KIF7: variants seen among roughly 807,000 people sequenced by gnomAD.
KIF7 encodes kinesin family member 7.
In KIF7, 104 loss-of-function variants were observed where a neutral mutation model predicts 135.7. That is an observed-to-expected ratio of 0.77 (90% CI 0.65 to 0.90). The LOEUF (loss-of-function observed/expected upper bound fraction) is 0.90, where lower values mean the gene tolerates loss of function less well. KIF7 is among the 40% of genes least tolerant of loss of function. KIF7 has a pLI of 0.00. For synonymous variants in KIF7, 883 were observed against 809.4 expected (o/e 1.09, Z -1.54); for missense variants, 2,005 against 1,839.1 (o/e 1.09, Z -1.65).
At chr15:89,648,199 C>T (rs1964050518) in intron 5 of KIF7, 56 bp downstream of exon 5, 2 of 1,425,042 alleles carry the variant, frequency 1.4e-6, no homozygotes, top group Non-Finnish European at 1.8e-6. Context: ...CCTCTTCCTT[C>T]CTCTCCACCA....
At chr15:89,652,571 G>A (rs1964139920) in intron 2 of KIF7, 32 bp downstream of exon 2, 2 of 1,456,728 alleles carry the variant, frequency 1.4e-6, no homozygotes, top group East Asian at 5.0e-5. Context: ...GCTCCTTAAA[G>A]TGGGCACAGG....
chr15:89,657,328 A>AAAAAAAAG (rs533315174), upstream of KIF7, among the ~76,000 whole-genome samples: 39 of 127,958 alleles, frequency 3.0e-4, 1 homozygote, highest in Middle Eastern at 4.2e-3. Context: ...AAAAAAAAAA[A>AAAAAAAAG]AGAGAGAGAG....
intron 7 of KIF7, 92 bp from the exon 8 acceptor site, chr15:89,646,118 C>A: frequency 1.3e-6 from 2 of 1,501,642 alleles, no homozygotes; most frequent in South Asian, 2.3e-5. Context: ...CTCCTCAAGC[C>A]CTGCCTTACC....
the KIF7 span, among the ~76,000 whole-genome samples, chr15:89,662,325 C>T: frequency 3.3e-5 from 5 of 152,010 alleles, no homozygotes; most frequent in South Asian, 1.0e-3. Context: ...GGTGAAACCC[C>T]GTCTCTACTA....
In KIF7 at chr15:89,632,853, C is replaced by G. The variant is rs1436327620; in HGVS notation, c.2862G>C (p.Thr954=). Residue 954 remains threonine, a synonymous_variant, in exon 14 of 19, where the codon ACG becomes ACC. Coordinates refer to ENST00000394412, the MANE Select transcript of KIF7 (RefSeq NM_198525.3). ...AKKEALMQEK[T]GLESKRLRSS... ...ATCTCAGGCGCTTGCTCTCCAGCCC[C>G]GTCTTCTCCTGCATCAGGGCCTCCT... 1 of 1,608,842 alleles carries G rather than the reference C, an allele frequency of 6.2e-7. No individual in the cohort carries two copies.
downstream of KIF7, chr15:89,624,327 T>A (rs774606177): frequency 3.7e-6 from 6 of 1,614,138 alleles, no homozygotes; most frequent in East Asian, 4.5e-5. Flanking sequence ...GAGAACTGGA[T>A]CAGAAAGAGC....
chr15:89,634,253 C>T (rs573264395), intron 11 of KIF7, among the ~76,000 whole-genome samples: 13 of 152,164 alleles, frequency 8.5e-5, no homozygotes, highest in South Asian at 4.1e-4. Context: ...GAGCCGGGAT[C>T]GTGCCACTGC....
At chr15:89,654,990 C>A (rs889110533) in intron 1 of KIF7, among the ~76,000 whole-genome samples, 1 of 152,230 alleles carries the variant, frequency 6.6e-6, no homozygotes, top group Non-Finnish European at 1.5e-5. Flanking sequence ...CTGCTCTCCG[C>A]ACAGCGCTCC....
chr15:89,624,876 C>CTGTGA, downstream of KIF7: 1 of 1,614,004 alleles, frequency 6.2e-7, no homozygotes, highest in Non-Finnish European at 8.5e-7. Context: ...TGATGCCTTC[C>CTGTGA]CGTGACGTGC....
intron 11 of KIF7, among the ~76,000 whole-genome samples, chr15:89,641,992 T>C (rs1008847638): frequency 1.3e-5 from 2 of 151,992 alleles, no homozygotes; most frequent in Non-Finnish European, 2.9e-5. Context: ...TCCCAGGTGG[T>C]CTTCAGGCAG....
downstream of KIF7, chr15:89,626,938 C>G (rs372217618): frequency 4.2e-5 from 67 of 1,612,324 alleles, no homozygotes; most frequent in Non-Finnish European, 5.4e-5. Flanking sequence ...CATGCTAAGC[C>G]TTTCTACCTT....
chr15:89,625,323 CA>C (rs1347412860), downstream of KIF7: 2 of 1,614,094 alleles, frequency 1.2e-6, no homozygotes. Context: ...CACCATCCCC[CA>C]AGCACAGTGG....
chr15:89,632,740 C>T, intron 14 of KIF7, 80 bp downstream of exon 14: 1 of 1,472,942 alleles, frequency 6.8e-7, no homozygotes, highest in Non-Finnish European at 9.2e-7. Flanking sequence ...TTGGCAGGAG[C>T]TCACCTGGCA....
At chr15:89,647,561 G>T (rs751395997) in intron 6 of KIF7, 35 bp downstream of exon 6, 2 of 1,570,116 alleles carry the variant, frequency 1.3e-6, no homozygotes, top group African/African-American at 1.3e-5. Context: ...CCTCCTCTGG[G>T]AAGCCTTCCC....
intron 7 of KIF7, among the ~76,000 whole-genome samples, chr15:89,646,420 C>G (rs1289491674): frequency 6.6e-6 from 1 of 152,184 alleles, no homozygotes; most frequent in Non-Finnish European, 1.5e-5. Flanking sequence ...AACTTTCAGG[C>G]AGGAGTAACC....
chr15:89,644,714 T>C (rs191496144), intron 10 of KIF7, among the ~76,000 whole-genome samples: 1 of 152,234 alleles, frequency 6.6e-6, no homozygotes, highest in Admixed American at 6.5e-5. Flanking sequence ...AAAGAAGTAC[T>C]GCTTACTAAG....
At chr15:89,625,397 C>T (rs572113617), downstream of KIF7, 1,343 of 1,613,964 alleles carry the variant, frequency 8.3e-4, 19 homozygotes, top group South Asian at 0.014. Context: ...GGCTGTGGCG[C>T]CGGCTCCTCT....
At chr15:89,633,054 C>T in intron 13 of KIF7, 58 bp from the exon 14 acceptor site, 1 of 1,598,404 alleles carries the variant, frequency 6.3e-7, no homozygotes, top group Non-Finnish European at 8.5e-7. Context: ...GCTGTGTCAG[C>T]CGCCACTCGA....
intron 1 of KIF7, among the ~76,000 whole-genome samples, chr15:89,620,511 T>C (rs1262746513): frequency 6.6e-6 from 1 of 152,052 alleles, no homozygotes; most frequent in East Asian, 1.9e-4. Flanking sequence ...CCCAGCCAGA[T>C]ATGTGTTTTT....
Sources: allele counts gnomAD v4.1 joint callset (sites outside exome capture counted in the v4.1 genomes callset), GRCh38; gene constraint gnomAD v4.1.1; transcripts MANE v1.5; gene names NCBI Gene and HGNC (gene_info 2026-07-23, HGNC 2026-07-21).